The following ADPRH variants were observed in gnomAD, a reference collection of about 807,000 sequenced individuals.
ADPRH encodes ADP-ribosylarginine hydrolase.
In ADPRH, 27 loss-of-function variants were observed where a neutral mutation model predicts 28.8. The ratio of observed to expected loss-of-function variants is 0.94; its 90% confidence interval spans 0.69 to 1.29. The LOEUF is 1.29. Among genes scored for constraint, ADPRH ranks in the 50% most tolerant of loss-of-function variants. The pLI is 0.00. For missense variants in ADPRH, 419 were observed against 444.8 expected (o/e 0.94, Z 0.52); for synonymous variants, 161 against 166.9 (o/e 0.96, Z 0.27).
In ADPRH at chr3:119,587,794, A is replaced by G. The variant is rs1378940659; in HGVS notation, c.990A>G (p.Lys330=). Residue 330 remains lysine (K), a synonymous_variant, in exon 5 of 5, where the codon AAA becomes AAG. Coordinates refer to ENST00000357003, the MANE Select transcript of ADPRH (RefSeq NM_001125.4). The part of the protein sequence containing the change: ...FKGVSPSNYE[K]LEYRNRLEET... ...GAGTGAGTCCCTCCAACTATGAGAAACTAGAATACAGAAACCGGCTGGAAG... is the reference window on the plus strand; with the variant it reads ...GAGTGAGTCCCTCCAACTATGAGAAGCTAGAATACAGAAACCGGCTGGAAG... The G allele has an allele frequency of 2.5e-6, 4 of 1,614,150 alleles. No homozygotes were observed. Among genetic ancestry groups the G allele is most frequent in the Non-Finnish European group, 3.4e-6 (4 of 1,179,996 alleles).
In ADPRH at chr3:119,580,692, T is replaced by G. The variant is rs573508589; in HGVS notation, c.-37+56T>G. The G allele has an allele frequency of 2.6e-5, 4 of 152,150 alleles. No individual in the cohort carries two copies. In the South Asian group the frequency reaches 8.3e-4, roughly 32 times the overall value. The allele number at this position is 152,150 out of a possible 1,614,324, so 9.4% of individuals were successfully genotyped here. A position where few individuals can be genotyped will look rare whatever the true frequency, so the allele number is the denominator to read the frequency against. ...GGAAAAGTTTCACCTGAGGGGAGAA[T>G]GAGCTAGTCTGCCAGACCCTTATAA... is the stretch of plus-strand genomic sequence containing the variant. On this transcript the variant is annotated intron_variant, in intron 2 of 4. Coordinates refer to ENST00000357003, the MANE Select transcript of ADPRH (RefSeq NM_001125.4).
rs2082491995 is a variant in ADPRH, at chr3:119,589,094, A to G, written c.*1216A>G. On this transcript the variant is annotated 3_prime_UTR_variant, in exon 5 of 5. Coordinates refer to ENST00000357003, the MANE Select transcript of ADPRH (RefSeq NM_001125.4). ...GTCCTTCAAGACCCAACTCAGATAG[A>G]TAGAGCTTCCTGAGTGAAACCTGCT... 1 of 152,256 alleles carries G rather than the reference A, an allele frequency of 6.6e-6. No individual in the cohort carries two copies. The highest frequency in any genetic ancestry group is 1.5e-5 in the Non-Finnish European group (1 of 68,068). The allele number at this position is 152,256 out of a possible 1,614,324, so 9.4% of individuals were successfully genotyped here. A position where few individuals can be genotyped will look rare whatever the true frequency, so the allele number is the denominator to read the frequency against.
In ADPRH at chr3:119,588,909, T is replaced by C. The variant is rs1193560774; in HGVS notation, c.*1031T>C. ...TCAGTATCTATTGAGTGTTATGAACTAGCCTCCTAGCTCGTGCTTCCCTCA... is the reference window on the plus strand; with the variant it reads ...TCAGTATCTATTGAGTGTTATGAACCAGCCTCCTAGCTCGTGCTTCCCTCA... On this transcript the variant is annotated 3_prime_UTR_variant, in exon 5 of 5. Coordinates refer to ENST00000357003, the MANE Select transcript of ADPRH (RefSeq NM_001125.4). 1 of 152,272 alleles carries C rather than the reference T, an allele frequency of 6.6e-6. No individual in the cohort carries two copies. Among genetic ancestry groups the C allele is most frequent in the East Asian group, 1.9e-4 (1 of 5,204 alleles). The allele number at this position is 152,272 out of a possible 1,614,324, so 9.4% of individuals were successfully genotyped here. A position where few individuals can be genotyped will look rare whatever the true frequency, so the allele number is the denominator to read the frequency against.
rs2082496681 is a variant in ADPRH, at chr3:119,589,577, T to G, written c.*1699T>G. On this transcript the variant is annotated 3_prime_UTR_variant, in exon 5 of 5. Transcript: ENST00000357003. ...GGAGGGTTGTGTGTGCCCCAGGGGG[T>G]CGGGGGTAGGGGATGCAGGGAGGAT... is the stretch of plus-strand genomic sequence containing the variant. 1.3e-5 allele frequency: 2 copies of G among 151,998 alleles called. No individual in the cohort carries two copies. Among genetic ancestry groups the G allele is most frequent in the African/African-American group, 4.8e-5 (2 of 41,372 alleles). The allele number at this position is 151,998 out of a possible 1,614,324, so 9.4% of individuals were successfully genotyped here.
chr3:119,583,802 G>T (rs1386496667), intron 3 of ADPRH, among the ~76,000 whole-genome samples: 1 of 151,752 alleles, frequency 6.6e-6, no homozygotes, highest in Non-Finnish European at 1.5e-5. Flanking sequence ...TTTTGAGATG[G>T]AGTCTCACTC....
In ADPRH at chr3:119,584,095, T is replaced by A. The variant is rs544682623; in HGVS notation, c.298+1628T>A. ...GCCTGGCCAAAAAAAAACTTTTTTT[T>A]AAAAAATAGATATGTATTTCTGTGT... On this transcript the variant is annotated intron_variant, in intron 3 of 4. Transcript: ENST00000357003. 1.3e-3 allele frequency among the ~76,000 whole-genome samples: 193 copies of A among 152,094 alleles called. 1 individual carries two copies. The highest frequency in any genetic ancestry group is 3.9e-3 in the South Asian group (19 of 4,826).
chr3:119,582,600 G>C, intron 3 of ADPRH, 133 bp downstream of exon 3: 1 of 1,100,090 alleles, frequency 9.1e-7, no homozygotes, highest in South Asian at 1.7e-5. Flanking sequence ...TAGAAATAAC[G>C]GCCATGGTGG....
Position 119,587,681 on chromosome 3 carries a change from G to T in ADPRH, c.877G>T (p.Ala293Ser). 6.2e-7 allele frequency: 1 copy of T among 1,614,192 alleles called. No homozygotes were observed. The highest frequency in any genetic ancestry group is 1.1e-5 in the South Asian group (1 of 91,066). Reference sequence around the variant, plus strand: ...TGCAGGAGACTCCTGGAAGGAGCTTGCCCACCGAGCCTTTTTCCATGGTGG... The same window carrying T: ...TGCAGGAGACTCCTGGAAGGAGCTTTCCCACCGAGCCTTTTTCCATGGTGG... ...LAAGDSWKEL[A>S]HRAFFHGGDS... Residue 293 changes from alanine (A) to serine (S), a missense_variant, in exon 5 of 5, where the codon GCC becomes TCC. Ala to Ser is a moderately conservative substitution (Grantham distance 99). Transcript: ENST00000357003.
intron 2 of ADPRH, chr3:119,581,926 A>C (rs2082407952): frequency 2.3e-6 from 1 of 436,752 alleles, no homozygotes; most frequent in Non-Finnish European, 4.1e-6. Context: ...AACATTTCTC[A>C]AACTGCATTA....
intron 3 of ADPRH, among the ~76,000 whole-genome samples, chr3:119,585,616 C>T (rs1183312936): frequency 6.6e-6 from 1 of 152,248 alleles, no homozygotes; most frequent in African/African-American, 2.4e-5. Context: ...GTGGTGCAAT[C>T]TCGACTCACT....
Position 119,582,217 on chromosome 3 carries a change from C to G in ADPRH, c.48C>G (p.Ala16=). Residue 16 remains alanine (A), a synonymous_variant, in exon 3 of 5, where the codon GCC becomes GCG. Transcript: ENST00000357003. ...TGGTGCTGAGTGCAGCTGGAGATGCCCTGGGGTACTACAATGGGAAGTGGG... is the reference window on the plus strand; with the variant it reads ...TGGTGCTGAGTGCAGCTGGAGATGCGCTGGGGTACTACAATGGGAAGTGGG... ...AAMVLSAAGD[A]LGYYNGKWEF... is the part of the protein sequence containing the mutation. The G allele has an allele frequency of 6.2e-7, 1 of 1,613,922 alleles. No homozygotes were observed. Among genetic ancestry groups the G allele is most frequent in the Non-Finnish European group, 8.5e-7 (1 of 1,179,878 alleles).
At position 119,587,589 on chromosome 3, in the gene ADPRH, G is replaced by A. The variant is rs1560069004; in HGVS notation, c.785G>A (p.Ser262Asn). Residue 262 changes from serine to asparagine, a missense_variant, in exon 5 of 5, where the codon AGC (serine) becomes AAC (asparagine). By Grantham distance (46) the Ser-to-Asn change is conservative (BLOSUM62 1). Coordinates refer to ENST00000357003, the MANE Select transcript of ADPRH (RefSeq NM_001125.4). ...KERDQFYTSL[S>N]YSGWGGSSGH... Reference sequence around the variant, plus strand: ...AGGGATCAGTTCTACACCTCCCTGAGCTACTCTGGCTGGGGTGGCAGCAGT... The same window carrying A: ...AGGGATCAGTTCTACACCTCCCTGAACTACTCTGGCTGGGGTGGCAGCAGT... 1 of 1,614,216 alleles carries A rather than the reference G, an allele frequency of 6.2e-7. No homozygotes were observed. The highest frequency in any genetic ancestry group is 8.5e-7 in the Non-Finnish European group (1 of 1,180,024).
At chr3:119,586,742 C>T (rs1331605290) in intron 4 of ADPRH, 97 bp downstream of exon 4, 16 of 1,515,196 alleles carry the variant, frequency 1.1e-5, no homozygotes, top group Admixed American at 4.4e-5. Flanking sequence ...ATCACAGCAA[C>T]CCTCATGGTT....
intron 3 of ADPRH, among the ~76,000 whole-genome samples, chr3:119,585,272 G>A (rs985402629): frequency 6.6e-6 from 1 of 152,186 alleles, no homozygotes; most frequent in Admixed American, 6.5e-5. Flanking sequence ...GACCAGTAAA[G>A]GAACAGCAGT....
At chr3:119,586,707 G>C in intron 4 of ADPRH, 62 bp downstream of exon 4, 2 of 1,583,714 alleles carry the variant, frequency 1.3e-6, no homozygotes, top group Non-Finnish European at 1.7e-6. Flanking sequence ...ACATCCACCT[G>C]CACATATATG....
rs1277139685 is a variant in ADPRH, at chr3:119,586,585, C to G, written c.599C>G (p.Pro200Arg). ...QWGKGLMELLPEAKKYIVQSG... is the reference protein window; with the variant it reads ...QWGKGLMELLREAKKYIVQSG... ...GGAAAAGGACTGATGGAGCTGCTAC[C>G]AGAAGCTAAAAAGTACATTGTCCAA... The change falls in exon 4 of 5, where the codon CCA (proline) becomes CGA (arginine). Residue 200 changes from proline to arginine, a missense_variant. Physicochemically the swap from Pro to Arg is moderately radical, Grantham distance 103 (BLOSUM62 -2). Coordinates refer to ENST00000357003, the MANE Select transcript of ADPRH (RefSeq NM_001125.4). 5.6e-6 allele frequency: 9 copies of G among 1,613,964 alleles called. No individual in the cohort carries two copies. The highest frequency in any genetic ancestry group is 7.6e-6 in the Non-Finnish European group (9 of 1,179,986).
At position 119,587,831 on chromosome 3, in the gene ADPRH, G is replaced by A; in HGVS notation, c.1027G>A (p.Ala343Thr). 1 of 1,612,980 alleles carries A rather than the reference G, an allele frequency of 6.2e-7. No homozygotes were observed. Among genetic ancestry groups the A allele is most frequent in the African/African-American group, 1.3e-5 (1 of 74,964 alleles). The change falls in exon 5 of 5, where the codon GCT becomes ACT. Residue 343 changes from alanine to threonine, a missense_variant. Coordinates refer to ENST00000357003, the MANE Select transcript of ADPRH (RefSeq NM_001125.4). ...AAACCGGCTGGAAGAGACAGCTAGG[G>A]CTTTATATTCTCTCGGGTCAAAAGA... ...YRNRLEETARALYSLGSKEDT... is the reference protein window; with the variant it reads ...YRNRLEETARTLYSLGSKEDT...
rs1035746359 is a variant in ADPRH, at chr3:119,588,680, A to G, written c.*802A>G. The G allele has an allele frequency of 2.0e-5, 3 of 152,200 alleles. No individual in the cohort carries two copies. Among genetic ancestry groups the G allele is most frequent in the African/African-American group, 7.2e-5 (3 of 41,428 alleles). The allele number at this position is 152,200 out of a possible 1,614,324, so 9.4% of individuals were successfully genotyped here. On this transcript the variant is annotated 3_prime_UTR_variant, in exon 5 of 5. Coordinates refer to ENST00000357003, the MANE Select transcript of ADPRH (RefSeq NM_001125.4). The stretch of plus-strand genomic sequence containing the variant: ...AATATACTCTGAATCTATCACCTCT[A>G]TTGCCTTCTTGCACTGAGGATTTTT...
At chr3:119,584,994 T>G (rs1248435635) in intron 3 of ADPRH, among the ~76,000 whole-genome samples, 1 of 152,200 alleles carries the variant, frequency 6.6e-6, no homozygotes, top group African/African-American at 2.4e-5. Context: ...GGCCACATTT[T>G]AGCTTAACCA....
Sources: allele counts gnomAD v4.1 joint callset (sites outside exome capture counted in the v4.1 genomes callset), GRCh38; gene constraint gnomAD v4.1.1; transcripts MANE v1.5; gene names NCBI Gene and HGNC (gene_info 2026-07-23, HGNC 2026-07-21).